Variants in CRIM1 observed in about 807,000 individuals in gnomAD.
CRIM1 encodes cysteine rich transmembrane BMP regulator 1, also known as cysteine-rich motor neuron 1 protein.
A neutral mutation model predicts 116.4 loss-of-function variants in CRIM1; 32 were observed. The ratio of observed to expected loss-of-function variants is 0.27; its 90% confidence interval spans 0.21 to 0.37. CRIM1 has a LOEUF of 0.37. Ranked by LOEUF, CRIM1 falls within the 10% of genes least tolerant of loss-of-function variation. CRIM1 has a pLI of 1.00. For missense variants in CRIM1, 1,331 were observed against 1,354.8 expected, an observed-to-expected ratio of 0.98 and a Z score of 0.28; for synonymous variants, 590 against 509.2, an observed-to-expected ratio of 1.16 and a Z score of -2.13.
intron 2 of CRIM1, among the ~76,000 whole-genome samples, chr2:36,403,433 T>C (rs942064629): frequency 3.9e-5 from 6 of 152,172 alleles, no homozygotes; most frequent in Admixed American, 1.3e-4. Flanking sequence ...ATAAGAACCG[T>C]GTTGCATTCA....
intron 8 of CRIM1, among the ~76,000 whole-genome samples, 158 bp from the exon 9 acceptor site, chr2:36,509,825 T>C (rs1681690102): frequency 6.6e-6 from 1 of 152,220 alleles, no homozygotes; most frequent in African/African-American, 2.4e-5. Context: ...AACCATGAAA[T>C]AGCACAGTCT....
At chr2:36,395,237 GGTGATCTGCCT>G (rs1671934974) in intron 1 of CRIM1, among the ~76,000 whole-genome samples, 2 of 152,046 alleles carry the variant, frequency 1.3e-5, no homozygotes, top group African/African-American at 2.4e-5. Flanking sequence ...CTGATGGCCA[GGTGATCTGCCT>G]GTCTTGGCCT....
intron 13 of CRIM1, among the ~76,000 whole-genome samples, chr2:36,532,650 T>C (rs1666194317): frequency 6.6e-6 from 1 of 152,214 alleles, no homozygotes; most frequent in African/African-American, 2.4e-5. Flanking sequence ...CTCCACAGGT[T>C]ATCCGGCTTG....
At chr2:36,427,224 A>T (rs1008495829) in intron 2 of CRIM1, among the ~76,000 whole-genome samples, 17 of 152,002 alleles carry the variant, frequency 1.1e-4, no homozygotes, top group African/African-American at 4.1e-4. Flanking sequence ...AAAGAAAAGA[A>T]AAAGAAGAGG....
intron 1 of CRIM1, among the ~76,000 whole-genome samples, chr2:36,358,987 G>C (rs1437913749): frequency 6.6e-6 from 1 of 152,140 alleles, no homozygotes; most frequent in African/African-American, 2.4e-5. Context: ...TTTAAAAAAA[G>C]AATTAGAGGA....
chr2:36,411,780 G>T (rs1673228725), intron 2 of CRIM1, among the ~76,000 whole-genome samples: 1 of 151,996 alleles, frequency 6.6e-6, no homozygotes, highest in Admixed American at 6.6e-5. Context: ...TTCCTTAATG[G>T]TGCACATTAG....
At position 36,548,609 on chromosome 2, in the gene CRIM1, A is replaced by C; in HGVS notation, c.3019A>C (p.Arg1007=). The change falls in exon 17 of 17, where the codon AGA becomes CGA. Residue 1007 remains arginine, a synonymous_variant. Coordinates refer to ENST00000280527, the MANE Select transcript of CRIM1 (RefSeq NM_016441.3). ...VQVDSSQRML[R]IAEPDARFSG... is the part of the protein sequence containing the mutation. ...GGTGGACAGTTCCCAGAGAATGCTA[A>C]GAATTGCAGAACCAGATGCAAGATT... 1 of 1,613,110 alleles carries C rather than the reference A, an allele frequency of 6.2e-7. No homozygotes were observed. The highest frequency in any genetic ancestry group is 2.2e-5 in the East Asian group (1 of 44,840).
intron 1 of CRIM1, among the ~76,000 whole-genome samples, chr2:36,383,236 C>T (rs971120455): frequency 4.6e-5 from 7 of 152,172 alleles, no homozygotes; most frequent in Admixed American, 1.3e-4. Context: ...TTATTTTCTA[C>T]ATGTGTATGT....
intron 2 of CRIM1, among the ~76,000 whole-genome samples, chr2:36,414,508 C>G (rs772562126): frequency 2.6e-5 from 4 of 152,188 alleles, no homozygotes; most frequent in African/African-American, 4.8e-5. Flanking sequence ...AGTCCCCCCC[C>G]GAGCTTTCAG....
intron 7 of CRIM1, among the ~76,000 whole-genome samples, chr2:36,486,383 G>A (rs1053554825): frequency 8.5e-5 from 13 of 152,244 alleles, no homozygotes; most frequent in Admixed American, 3.9e-4. Context: ...TGCTTGTGTC[G>A]GTAATGCCTT....
At chr2:36,482,075 C>T (rs534897761) in intron 7 of CRIM1, among the ~76,000 whole-genome samples, 1 of 152,188 alleles carries the variant, frequency 6.6e-6, no homozygotes, top group Non-Finnish European at 1.5e-5. Flanking sequence ...GGGCAGCCCC[C>T]TCCACCTCAA....
At chr2:36,480,195 C>G (rs770931677) in intron 7 of CRIM1, among the ~76,000 whole-genome samples, 1 of 152,194 alleles carries the variant, frequency 6.6e-6, no homozygotes, top group African/African-American at 2.4e-5. Context: ...TGCAATTCCT[C>G]TAGTGCTGTT....
intron 1 of CRIM1, among the ~76,000 whole-genome samples, chr2:36,396,376 C>G (rs1672029488): frequency 6.6e-6 from 1 of 152,040 alleles, no homozygotes; most frequent in Non-Finnish European, 1.5e-5. Context: ...TTTTTTATTT[C>G]CAACCTTTGT....
chr2:36,364,732 C>T (rs1310686981), intron 1 of CRIM1, among the ~76,000 whole-genome samples: 1 of 151,930 alleles, frequency 6.6e-6, no homozygotes, highest in Non-Finnish European at 1.5e-5. Context: ...CTTCAGTTCC[C>T]TCATCTGTGA....
intron 2 of CRIM1, among the ~76,000 whole-genome samples, chr2:36,412,357 G>A (rs1211565682): frequency 6.6e-6 from 1 of 152,178 alleles, no homozygotes; most frequent in East Asian, 1.9e-4. Context: ...CCAGATTTCT[G>A]CGTTTAACCC....
At chr2:36,382,342 T>A (rs1223804073) in intron 1 of CRIM1, among the ~76,000 whole-genome samples, 1 of 152,232 alleles carries the variant, frequency 6.6e-6, no homozygotes, top group East Asian at 1.9e-4. Context: ...TGGAAAGCGA[T>A]CCTAACTGCT....
chr2:36,379,754 T>TC (rs1670592288), intron 1 of CRIM1, among the ~76,000 whole-genome samples: 1 of 150,034 alleles, frequency 6.7e-6, no homozygotes, highest in African/African-American at 2.4e-5. Flanking sequence ...TTTTTTTTTT[T>TC]TTTTTTTTTT....
intron 2 of CRIM1, among the ~76,000 whole-genome samples, chr2:36,430,659 G>A (rs1490704361): frequency 6.6e-6 from 1 of 152,192 alleles, no homozygotes; most frequent in Non-Finnish European, 1.5e-5. Context: ...TGCTGGAGCC[G>A]AAGGAATGGC....
chr2:36,384,597 G>A (rs1671040872), intron 1 of CRIM1, among the ~76,000 whole-genome samples: 1 of 152,222 alleles, frequency 6.6e-6, no homozygotes. Context: ...TCCCATGAAT[G>A]TTAGGGATCA....
Sources: gnomAD v4.1 joint callset for allele counts (sites outside exome capture counted in the v4.1 genomes callset) on GRCh38, gnomAD v4.1.1 for gene constraint, MANE v1.5 for transcripts, NCBI Gene and HGNC (gene_info 2026-07-23, HGNC 2026-07-21) for gene names.